Variants in COP1 observed in about 807,000 individuals in gnomAD.
The protein encoded by COP1 is COP1 E3 ubiquitin ligase.
A neutral mutation model predicts 101.3 loss-of-function variants in COP1; 24 were observed. The observed-to-expected ratio is 0.24, with a 90% CI of 0.17 to 0.33. The LOEUF (loss-of-function observed/expected upper bound fraction) is 0.33. Among genes scored for constraint, COP1 ranks in the 10% least tolerant of loss-of-function variants. The pLI is 1.00. For missense variants in COP1, 663 were observed against 906.2 expected, an observed-to-expected ratio of 0.73 and a Z score of 3.45; for synonymous variants, 347 against 341.9, an observed-to-expected ratio of 1.01 and a Z score of -0.17.
At chr1:176,158,971 T>C (rs1014784449) in intron 5 of COP1, among the ~76,000 whole-genome samples, 1 of 152,130 alleles carries the variant, frequency 6.6e-6, no homozygotes, top group Non-Finnish European at 1.5e-5. Context: ...TGAAGTAGTA[T>C]AATATTACTT....
rs555068418 is a variant in COP1, at chr1:176,195,078, C to A, written c.408-10386G>T. On this transcript the variant is annotated intron_variant, in intron 1 of 19. Transcript: ENST00000367669. ...CTCCAGCCTGGGTGACAGAGTGAGA[C>A]CCTGTCTCAAAGAAGAGAAGAGAAA... Among the ~76,000 whole-genome samples, 3 of 150,050 alleles carry A rather than the reference C, an allele frequency of 2.0e-5. No homozygotes were observed. The East Asian group carries it at 5.9e-4, about 30-fold the overall frequency.
At chr1:176,036,171 A>G (rs1669506924) in intron 14 of COP1, among the ~76,000 whole-genome samples, 1 of 152,098 alleles carries the variant, frequency 6.6e-6, no homozygotes, top group Admixed American at 6.5e-5. Flanking sequence ...GTAGTGCTTA[A>G]TGGGAAATGT....
At chr1:176,120,337 T>C (rs1393466300) in intron 8 of COP1, among the ~76,000 whole-genome samples, 2 of 151,780 alleles carry the variant, frequency 1.3e-5, no homozygotes, top group Admixed American at 1.3e-4. Flanking sequence ...GGAGAATCTC[T>C]TGAACCCAGG....
At chr1:175,989,765 C>T (rs930285170) in intron 15 of COP1, among the ~76,000 whole-genome samples, 2 of 151,960 alleles carry the variant, frequency 1.3e-5, no homozygotes, top group African/African-American at 2.4e-5. Context: ...AAACATAATG[C>T]TATATAATCT....
rs144083282 is a variant in COP1, at chr1:175,978,890, T to C, written c.2133+8053A>G. Among the ~76,000 whole-genome samples, 399 of 152,254 alleles carry C rather than the reference T, an allele frequency of 2.6e-3. 3 individuals are homozygous for C. Among genetic ancestry groups the C allele is most frequent in the African/African-American group, 9.2e-3 (381 of 41,554 alleles). ...TTTATAAGTGTGGAAAGTTAGTATA[T>C]TTTTAGGAGTAGCATTTTTTAATTA... On this transcript the variant is annotated intron_variant, in intron 18 of 19. Coordinates refer to ENST00000367669, the MANE Select transcript of COP1 (RefSeq NM_022457.7).
chr1:175,994,807 C>T (rs1257709539), intron 15 of COP1, among the ~76,000 whole-genome samples: 1 of 152,162 alleles, frequency 6.6e-6, no homozygotes, highest in Non-Finnish European at 1.5e-5. Context: ...GAGACTTTAA[C>T]ACGCCACTGT....
At position 175,994,810 on chromosome 1, in the gene COP1, G is replaced by T. The variant is rs551177521; in HGVS notation, c.1730-5331C>A. 3.3e-5 allele frequency among the ~76,000 whole-genome samples: 5 copies of T among 152,006 alleles called. No individual in the cohort carries two copies. The South Asian group carries it at 1.0e-3, about 32-fold the overall frequency. ...CAATAATAATGGGAGACTTTAACAC[G>T]CCACTGTCAACATTAGACAGATCAA... is the stretch of plus-strand genomic sequence containing the variant. On this transcript the variant is annotated intron_variant, in intron 15 of 19. Coordinates refer to ENST00000367669, the MANE Select transcript of COP1 (RefSeq NM_022457.7).
At chr1:176,037,447 T>C (rs1383233032) in intron 14 of COP1, among the ~76,000 whole-genome samples, 1 of 140,178 alleles carries the variant, frequency 7.1e-6, no homozygotes, top group Admixed American at 7.1e-5. Context: ...ACATAGCACA[T>C]AGAAGAGGAA....
intron 1 of COP1, among the ~76,000 whole-genome samples, chr1:176,202,174 G>A (rs751299871): frequency 1.4e-5 from 2 of 144,688 alleles, no homozygotes; most frequent in Admixed American, 1.4e-4. Flanking sequence ...TCTATGATAC[G>A]TTCTAGTTCA....
chr1:176,202,545 T>G (rs1297921614), intron 1 of COP1, among the ~76,000 whole-genome samples: 2 of 151,870 alleles, frequency 1.3e-5, no homozygotes, highest in African/African-American at 2.4e-5. Flanking sequence ...ATTAAAAATA[T>G]CCTGGGATTA....
At chr1:175,955,800 A>ACACACACACACACACACG (rs1320540789) in intron 18 of COP1, among the ~76,000 whole-genome samples, 1 of 151,450 alleles carries the variant, frequency 6.6e-6, no homozygotes, top group Non-Finnish European at 1.5e-5. Context: ...ACACACACAC[A>ACACACACACACACACACG]CGGCCTACAT....
chr1:176,041,850 A>G (rs1044112516), intron 14 of COP1, among the ~76,000 whole-genome samples: 36 of 152,218 alleles, frequency 2.4e-4, no homozygotes, highest in African/African-American at 8.4e-4. Flanking sequence ...GCAGTGGCTC[A>G]CATCTGTAAT....
At chr1:176,023,658 C>T (rs1211495476) in intron 15 of COP1, among the ~76,000 whole-genome samples, 1 of 140,354 alleles carries the variant, frequency 7.1e-6, no homozygotes. Flanking sequence ...GTAGAGGTTG[C>T]AGTGAGCTGA....
At chr1:176,175,458 G>C (rs1696792879) in intron 3 of COP1, among the ~76,000 whole-genome samples, 1 of 152,136 alleles carries the variant, frequency 6.6e-6, no homozygotes, top group Admixed American at 6.5e-5. Context: ...CAGATTATCA[G>C]GCATCAGATT....
intron 18 of COP1, among the ~76,000 whole-genome samples, chr1:175,948,258 C>T (rs1386371176): frequency 2.0e-5 from 3 of 152,154 alleles, no homozygotes. Context: ...TGGAGACATG[C>T]CTCCTGTAGG....
At chr1:176,153,950 C>T (rs1693042618) in intron 5 of COP1, among the ~76,000 whole-genome samples, 1 of 152,196 alleles carries the variant, frequency 6.6e-6, no homozygotes, top group African/African-American at 2.4e-5. Context: ...CCTACTTTAT[C>T]ATGCTGGATA....
intron 11 of COP1, among the ~76,000 whole-genome samples, chr1:176,068,728 C>A (rs1287790971): frequency 6.6e-6 from 1 of 152,196 alleles, no homozygotes; most frequent in African/African-American, 2.4e-5. Flanking sequence ...TAGTTGCACT[C>A]TAAAGATTTA....
chr1:176,100,761 T>G (rs559047951), intron 9 of COP1, among the ~76,000 whole-genome samples: 16 of 152,174 alleles, frequency 1.1e-4, no homozygotes, highest in Non-Finnish European at 2.1e-4. Flanking sequence ...ACCAGTTATC[T>G]GGGGTGTCAC....
At chr1:176,141,884 C>T (rs961253514) in intron 6 of COP1, among the ~76,000 whole-genome samples, 3 of 151,992 alleles carry the variant, frequency 2.0e-5, no homozygotes, top group Admixed American at 1.3e-4. Context: ...GCACACGCCC[C>T]TATGCTCCAC....
Sources: gnomAD v4.1 joint callset for allele counts (sites outside exome capture counted in the v4.1 genomes callset) on GRCh38, gnomAD v4.1.1 for gene constraint, MANE v1.5 for transcripts, NCBI Gene and HGNC (gene_info 2026-07-23, HGNC 2026-07-21) for gene names.